TNS3: variants seen among roughly 807,000 people sequenced by gnomAD.
TNS3 encodes tensin 3, also known as tensin-3.
TNS3 carries 45 observed loss-of-function variants against 140.9 expected under a neutral mutation model. That is an observed-to-expected ratio of 0.32 (90% CI 0.25 to 0.41). TNS3 has a LOEUF of 0.41. TNS3 is among the 10% of genes least tolerant of loss of function. TNS3 has a pLI of 1.00. For missense variants in TNS3, 1,716 were observed against 1,906.7 expected (o/e 0.90, Z 1.86); for synonymous variants, 815 against 788.4 (o/e 1.03, Z -0.56).
Position 47,468,333 on chromosome 7 carries a change from C to T in TNS3, c.-76+12770G>A, listed in dbSNP as rs557708318. ...GCACACGCATATAATCGCAGCTACTCGGGAGGCTGAGGCATGAGAATCACT... is the reference window on the plus strand; with the variant it reads ...GCACACGCATATAATCGCAGCTACTTGGGAGGCTGAGGCATGAGAATCACT... On this transcript the variant is annotated intron_variant, in intron 4 of 30. Transcript: ENST00000311160. Among the ~76,000 whole-genome samples the T allele has an allele frequency of 9.9e-5, 15 of 152,162 alleles. No homozygotes were observed. The South Asian group carries it at 2.3e-3, about 23-fold the overall frequency.
chr7:47,505,056 C>T (rs1398809014), intron 3 of TNS3, among the ~76,000 whole-genome samples: 1 of 152,186 alleles, frequency 6.6e-6, no homozygotes, highest in Non-Finnish European at 1.5e-5. Context: ...CAACAGCAGG[C>T]TCATCTCTGC....
intron 3 of TNS3, among the ~76,000 whole-genome samples, chr7:47,501,186 AAGGGAGGGAGGGAGGG>A (rs113002696): frequency 1.8e-4 from 10 of 54,866 alleles, no homozygotes; most frequent in Admixed American, 3.9e-4. Context: ...GGAAGGAAGG[AAGGGAGGGAGGGAGGG>A]AGGGAGGGAG....
At chr7:47,294,402 G>A (rs966308502) in intron 24 of TNS3, among the ~76,000 whole-genome samples, 1 of 152,208 alleles carries the variant, frequency 6.6e-6, no homozygotes, top group African/African-American at 2.4e-5. Context: ...GCCAGCCCAT[G>A]AGTCCAAAGA....
At chr7:47,285,389 G>A (rs927522213) in intron 27 of TNS3, among the ~76,000 whole-genome samples, 1 of 152,154 alleles carries the variant, frequency 6.6e-6, no homozygotes, top group Non-Finnish European at 1.5e-5. Context: ...TTGAATCATG[G>A]GGGTGGGTTT....
intron 14 of TNS3, 74 bp downstream of exon 14, chr7:47,400,711 A>T (rs1793106931): frequency 6.3e-7 from 1 of 1,582,376 alleles, no homozygotes. Flanking sequence ...GGTAAAGGGG[A>T]TAGTGAAAGA....
intron 17 of TNS3, among the ~76,000 whole-genome samples, chr7:47,365,239 G>A (rs1790621957): frequency 6.6e-6 from 1 of 152,032 alleles, no homozygotes; most frequent in South Asian, 2.1e-4. Context: ...GAGGTCGGGA[G>A]TTCAAGACCA....
intron 20 of TNS3, among the ~76,000 whole-genome samples, chr7:47,308,810 A>G (rs1786907250): frequency 6.6e-6 from 1 of 152,140 alleles, no homozygotes; most frequent in Admixed American, 6.5e-5. Flanking sequence ...TTGAGTTAGC[A>G]CTGGGTTAGC....
intron 4 of TNS3, among the ~76,000 whole-genome samples, chr7:47,474,279 C>T (rs369306821): frequency 6.7e-6 from 1 of 149,826 alleles, no homozygotes; most frequent in East Asian, 2.0e-4. Context: ...ACTTCACACA[C>T]AACACACACA....
At chr7:47,474,542 T>TCAGCACAACACACA (rs1562784285) in intron 4 of TNS3, among the ~76,000 whole-genome samples, 2 of 123,912 alleles carry the variant, frequency 1.6e-5, no homozygotes, top group African/African-American at 3.2e-5. Context: ...ACAACACACT[T>TCAGCACAACACACA]CAGCACAACA....
chr7:47,316,527 G>C (rs923954691), intron 20 of TNS3, among the ~76,000 whole-genome samples: 7 of 150,884 alleles, frequency 4.6e-5, no homozygotes, highest in African/African-American at 1.5e-4. Flanking sequence ...GTAGTGATTA[G>C]TTTTATTTTT....
chr7:47,324,526 C>A (rs539443838), intron 20 of TNS3, among the ~76,000 whole-genome samples: 2 of 152,310 alleles, frequency 1.3e-5, no homozygotes, highest in African/African-American at 4.8e-5. Context: ...CGGAGGCAGG[C>A]AGACCGCTTG....
chr7:47,400,442 G>C lies in TNS3; in HGVS notation c.870C>G (p.Asp290Glu). The part of the protein sequence containing the change: ...DNASKDDRFP[D>E]YGKVELVFSA... ...AGAAGACTAATTCAACCTTCCCATA[G>C]TCAGGAAAACGGTCATCTGAAAAAA... The change falls in exon 15 of 31, where the codon GAC becomes GAG. Residue 290 changes from aspartate to glutamate, a missense_variant. Asp to Glu is a conservative substitution (Grantham distance 45). Transcript: ENST00000311160. 6.2e-7 allele frequency: 1 copy of C among 1,614,006 alleles called. No homozygotes were observed. The highest frequency in any genetic ancestry group is 8.5e-7 in the Non-Finnish European group (1 of 1,179,980).
chr7:47,369,823 C>T (rs114683117), intron 16 of TNS3, among the ~76,000 whole-genome samples: 2,581 of 152,336 alleles, frequency 0.017, 67 homozygotes, highest in African/African-American at 0.059. Context: ...TTCAAATAAA[C>T]ATCTTCAGGT....
At chr7:47,367,278 C>T (rs1048226628) in intron 17 of TNS3, among the ~76,000 whole-genome samples, 6 of 152,348 alleles carry the variant, frequency 3.9e-5, no homozygotes, top group African/African-American at 1.4e-4. Flanking sequence ...GACAACCCTG[C>T]TCCGTCCCAA....
intron 10 of TNS3, among the ~76,000 whole-genome samples, chr7:47,422,650 A>G (rs1794436061): frequency 6.6e-6 from 1 of 151,760 alleles, no homozygotes; most frequent in African/African-American, 2.4e-5. Context: ...AAATGAAGAG[A>G]TATCTTCCCC....
chr7:47,397,562 C>T (rs1792908255), intron 15 of TNS3, among the ~76,000 whole-genome samples: 1 of 152,150 alleles, frequency 6.6e-6, no homozygotes, highest in Non-Finnish European at 1.5e-5. Context: ...ACTTCTAATT[C>T]TCTTTTTAAA....
chr7:47,460,212 C>CAA (rs10526565), intron 4 of TNS3, among the ~76,000 whole-genome samples: 78 of 114,988 alleles, frequency 6.8e-4, no homozygotes, highest in African/African-American at 8.5e-4. Context: ...GACTCTGTCC[C>CAA]AAAAAAAAAA....
chr7:47,483,819 C>T (rs1797514255), intron 3 of TNS3, among the ~76,000 whole-genome samples: 1 of 152,212 alleles, frequency 6.6e-6, no homozygotes, highest in African/African-American at 2.4e-5. Context: ...CTAACCGGCT[C>T]GCGCGATAAG....
At chr7:47,383,109 C>T (rs143727525) in intron 16 of TNS3, among the ~76,000 whole-genome samples, 109 of 152,260 alleles carry the variant, frequency 7.2e-4, no homozygotes, top group African/African-American at 2.3e-3. Context: ...AAAACACAGA[C>T]AAGAATGTTC....
Sources: gnomAD v4.1 joint callset for allele counts (sites outside exome capture counted in the v4.1 genomes callset) on GRCh38, gnomAD v4.1.1 for gene constraint, MANE v1.5 for transcripts, NCBI Gene and HGNC (gene_info 2026-07-23, HGNC 2026-07-21) for gene names.